The following NTM variants were observed in gnomAD, a reference collection of about 807,000 sequenced individuals.
The protein encoded by NTM is neurotrimin.
NTM carries 13 observed loss-of-function variants against 42.1 expected under a neutral mutation model. The ratio of observed to expected loss-of-function variants is 0.31; its 90% confidence interval spans 0.20 to 0.49. NTM has a LOEUF of 0.49. Among genes scored for constraint, NTM ranks in the 20% least tolerant of loss-of-function variants. NTM has a pLI of 0.99. For synonymous variants in NTM, 187 were observed against 179.2 expected (o/e 1.04, Z -0.35); for missense variants, 373 against 452.8 (o/e 0.82, Z 1.60).
chr11:131,839,056 G>C (rs1178781160), intron 1 of NTM, among the ~76,000 whole-genome samples: 1 of 151,772 alleles, frequency 6.6e-6, no homozygotes, highest in Non-Finnish European at 1.5e-5. Context: ...TGCCTCCCGG[G>C]TTCATGCGAT....
intron 1 of NTM, among the ~76,000 whole-genome samples, chr11:131,566,652 C>T (rs1337659044): frequency 1.3e-5 from 2 of 152,230 alleles, no homozygotes; most frequent in African/African-American, 4.8e-5. Context: ...GCACCTTGCA[C>T]CTCTTAGCCA....
chr11:132,335,821 A>G lies in NTM; in HGVS notation c.*675A>G, dbSNP rs2095868290. On this transcript the variant is annotated 3_prime_UTR_variant, in exon 9 of 9. Coordinates refer to ENST00000683400, the MANE Select transcript of NTM (RefSeq NM_001352005.2). ...AATTTCATTAATTATATTTTCTGAT[A>G]TGAGTCTAGAACTTACTGCAAAAAC... 6.6e-6 allele frequency: 1 copy of G among 152,404 alleles called. No homozygotes were observed. The highest frequency in any genetic ancestry group is 1.5e-5 in the Non-Finnish European group (1 of 68,018). 9.4% of individuals were successfully genotyped at this position (152,404 alleles called of 1,614,324 possible).
At chr11:132,163,794 G>A (rs774000235) in intron 3 of NTM, among the ~76,000 whole-genome samples, 17 of 152,218 alleles carry the variant, frequency 1.1e-4, no homozygotes, top group African/African-American at 2.2e-4. Context: ...GCTCTGCTGC[G>A]CATTGAGATA....
intron 3 of NTM, among the ~76,000 whole-genome samples, chr11:132,166,618 G>A (rs1379630210): frequency 1.3e-5 from 2 of 152,110 alleles, no homozygotes; most frequent in African/African-American, 2.4e-5. Context: ...TTGCATTCCT[G>A]GACCCAGTAT....
intron 1 of NTM, among the ~76,000 whole-genome samples, chr11:131,526,804 G>C (rs1364259830): frequency 3.3e-5 from 5 of 152,208 alleles, no homozygotes; most frequent in African/African-American, 1.2e-4. Flanking sequence ...TCAGGGGCTG[G>C]AGCAGAGGGA....
At chr11:131,627,225 TTA>T (rs965891749) in intron 1 of NTM, among the ~76,000 whole-genome samples, 29 of 151,376 alleles carry the variant, frequency 1.9e-4, no homozygotes, top group African/African-American at 5.1e-4. Flanking sequence ...TTTTATTTAT[TTA>T]TTTTTTTTGT....
intron 3 of NTM, among the ~76,000 whole-genome samples, chr11:132,148,333 C>A (rs2071044761): frequency 6.6e-6 from 1 of 151,918 alleles, no homozygotes; most frequent in Non-Finnish European, 1.5e-5. Flanking sequence ...ATAGGGAGGC[C>A]AAAAATGCTT....
At chr11:131,431,024 A>C (rs1167075049) in intron 1 of NTM, among the ~76,000 whole-genome samples, 1 of 152,226 alleles carries the variant, frequency 6.6e-6, no homozygotes, top group Non-Finnish European at 1.5e-5. Flanking sequence ...GATTCATATT[A>C]GCTTGATTTG....
chr11:132,271,959 G>A (rs2093500036), intron 4 of NTM, among the ~76,000 whole-genome samples: 1 of 151,904 alleles, frequency 6.6e-6, no homozygotes, highest in South Asian at 2.1e-4. Context: ...CATTTCCATA[G>A]GAAACCATTC....
At chr11:131,392,039 C>T (rs1039185890) in intron 1 of NTM, among the ~76,000 whole-genome samples, 8 of 152,172 alleles carry the variant, frequency 5.3e-5, no homozygotes, top group Non-Finnish European at 1.0e-4. Flanking sequence ...TATTTGTCAG[C>T]GATAATTAGA....
chr11:131,607,863 A>T (rs1356486070), intron 1 of NTM, among the ~76,000 whole-genome samples: 2 of 149,382 alleles, frequency 1.3e-5, no homozygotes. Flanking sequence ...GCACGGTTTG[A>T]TCGGTAGACA....
At chr11:131,536,830 G>C (rs1189286622) in intron 1 of NTM, 1 of 152,242 alleles carries the variant, frequency 6.6e-6, no homozygotes, top group Non-Finnish European at 1.5e-5. Flanking sequence ...AGGGAAGTGG[G>C]CCTGGAAGAA....
At chr11:131,800,323 T>C (rs2091996102) in intron 1 of NTM, among the ~76,000 whole-genome samples, 1 of 152,228 alleles carries the variant, frequency 6.6e-6, no homozygotes, top group Non-Finnish European at 1.5e-5. Flanking sequence ...ACGGTTTTAC[T>C]TCCATTTTGC....
At chr11:132,264,344 G>C (rs1304575760) in intron 4 of NTM, among the ~76,000 whole-genome samples, 1 of 152,000 alleles carries the variant, frequency 6.6e-6, no homozygotes, top group Non-Finnish European at 1.5e-5. Flanking sequence ...TTTTCTATTG[G>C]GTTGTTTATC....
chr11:132,160,139 G>A lies in NTM; in HGVS notation c.400+13625G>A, dbSNP rs2073992445. On this transcript the variant is annotated intron_variant, in intron 3 of 8. Transcript: ENST00000683400. Reference sequence around the variant, plus strand: ...CACTGATACTCACTGAGGCATGGCAGCCATTCCTTTGCCCTCTTTGGACAG... The same window carrying A: ...CACTGATACTCACTGAGGCATGGCAACCATTCCTTTGCCCTCTTTGGACAG... Among the ~76,000 whole-genome samples the A allele has an allele frequency of 2.0e-5, 3 of 152,230 alleles. No individual in the cohort carries two copies. The South Asian group carries it at 6.2e-4, about 31-fold the overall frequency.
At chr11:131,409,969 G>A (rs890098383) in intron 1 of NTM, among the ~76,000 whole-genome samples, 4 of 152,162 alleles carry the variant, frequency 2.6e-5, no homozygotes, top group African/African-American at 9.7e-5. Flanking sequence ...GAAGATGCAG[G>A]TAGAGGAGGG....
intron 2 of NTM, among the ~76,000 whole-genome samples, chr11:131,949,868 A>G (rs2060784118): frequency 6.6e-6 from 1 of 151,618 alleles, no homozygotes; most frequent in South Asian, 2.1e-4. Flanking sequence ...ACTCCTATCC[A>G]TTCATCCTAT....
At chr11:132,153,370 G>A (rs973440578) in intron 3 of NTM, among the ~76,000 whole-genome samples, 2 of 152,278 alleles carry the variant, frequency 1.3e-5, no homozygotes, top group Admixed American at 1.3e-4. Context: ...TATTCAAGCT[G>A]CACTTGAAGA....
At chr11:131,382,154 G>T (rs1041459654) in intron 1 of NTM, among the ~76,000 whole-genome samples, 1 of 152,086 alleles carries the variant, frequency 6.6e-6, no homozygotes, top group East Asian at 1.9e-4. Flanking sequence ...CAGGCCAATG[G>T]GATACAAGCA....
Sources: gnomAD v4.1 joint callset for allele counts (sites outside exome capture counted in the v4.1 genomes callset) on GRCh38, gnomAD v4.1.1 for gene constraint, MANE v1.5 for transcripts, NCBI Gene and HGNC (gene_info 2026-07-23, HGNC 2026-07-21) for gene names.